KIF18A: variants seen among roughly 807,000 people sequenced by gnomAD.
KIF18A encodes kinesin-like protein KIF18A.
A neutral mutation model predicts 103.3 loss-of-function variants in KIF18A; 67 were observed. That is an observed-to-expected ratio of 0.65 (90% CI 0.53 to 0.79). The LOEUF (loss-of-function observed/expected upper bound fraction) is 0.79. KIF18A is among the 30% of genes least tolerant of loss of function. KIF18A has a pLI of 0.00. For missense variants in KIF18A, 1,032 were observed against 1,062.5 expected, an observed-to-expected ratio of 0.97 and a Z score of 0.40; for synonymous variants, 367 against 355.5, an observed-to-expected ratio of 1.03 and a Z score of -0.36.
chr11:28,034,554 T>A (rs1489325078), intron 15 of KIF18A, among the ~76,000 whole-genome samples: 4 of 151,704 alleles, frequency 2.6e-5, no homozygotes. Context: ...ACATCAAAAC[T>A]CTGCTTAATA....
Position 28,023,721 on chromosome 11 carries a change from A to G in KIF18A, c.2614+20T>C, listed in dbSNP as rs767693064. Reference sequence around the variant, plus strand: ...TACAGAGTCATACCATTAAATATCAAATTAAAAGCTGAGACATACCCATTG... The same window carrying G: ...TACAGAGTCATACCATTAAATATCAGATTAAAAGCTGAGACATACCCATTG... On this transcript the variant is annotated intron_variant, in intron 16 of 16. Coordinates refer to ENST00000263181, the MANE Select transcript of KIF18A (RefSeq NM_031217.4). 7 of 1,371,714 alleles carry G rather than the reference A, an allele frequency of 5.1e-6. No homozygotes were observed. The African/African-American group carries it at 5.7e-5, about 11-fold the overall frequency. The allele number at this position is 1,371,714 out of a possible 1,614,324, so 85.0% of individuals were successfully genotyped here.
At chr11:28,067,548 G>T (rs887481156) in intron 11 of KIF18A, among the ~76,000 whole-genome samples, 6 of 152,032 alleles carry the variant, frequency 3.9e-5, no homozygotes, top group Non-Finnish European at 8.8e-5. Context: ...ATAATGCATT[G>T]ACTAGTATCT....
intron 15 of KIF18A, among the ~76,000 whole-genome samples, chr11:28,024,859 C>A (rs1417832466): frequency 2.0e-5 from 3 of 151,788 alleles, no homozygotes; most frequent in Non-Finnish European, 4.4e-5. Flanking sequence ...TATAGTAATC[C>A]CCCTTATCGA....
Position 28,097,668 on chromosome 11 carries a change from T to C in KIF18A, c.280A>G (p.Thr94Ala), listed in dbSNP as rs759103638. The change falls in exon 2 of 17, where the codon ACT becomes GCT. Residue 94 changes from threonine (T) to alanine (A), a missense_variant. Thr to Ala is a moderately conservative substitution (Grantham distance 58). Coordinates refer to ENST00000263181, the MANE Select transcript of KIF18A (RefSeq NM_031217.4). ...AAAAAACTACGAAGAATTGGCTTAG[T>C]AGTGTGTTCAAAAACTTCTGACTGA... ...STQSEVFEHT[T>A]KPILRSFLNG... is the part of the protein sequence containing the mutation. 6 of 1,611,376 alleles carry C rather than the reference T, an allele frequency of 3.7e-6. No homozygotes were observed. The highest frequency in any genetic ancestry group is 4.5e-5 in the East Asian group (2 of 44,814).
At chr11:28,096,010 A>G (rs1212232082) in intron 2 of KIF18A, among the ~76,000 whole-genome samples, 1 of 146,188 alleles carries the variant, frequency 6.8e-6, no homozygotes, top group Non-Finnish European at 1.5e-5. Flanking sequence ...GACTTCATCA[A>G]AAAAAAAAAA....
At chr11:28,100,832 G>A (rs1422507946) in intron 1 of KIF18A, among the ~76,000 whole-genome samples, 2 of 152,002 alleles carry the variant, frequency 1.3e-5, no homozygotes, top group African/African-American at 4.8e-5. Flanking sequence ...TTACTACTTT[G>A]TTTTTCATCC....
At chr11:28,021,326 A>G in intron 16 of KIF18A, 44 bp from the exon 17 acceptor site, 2 of 1,280,426 alleles carry the variant, frequency 1.6e-6, no homozygotes, top group South Asian at 3.9e-5. Flanking sequence ...CATAAATATC[A>G]TTCAAAAAGT....
intron 13 of KIF18A, among the ~76,000 whole-genome samples, chr11:28,041,835 A>C (rs1195486636): frequency 1.3e-5 from 2 of 151,886 alleles, no homozygotes; most frequent in African/African-American, 2.4e-5. Flanking sequence ...GAGTTCACAG[A>C]AAGTAGTATA....
chr11:28,035,448 T>C lies in KIF18A; in HGVS notation c.2443A>G (p.Ser815Gly). The change falls in exon 15 of 17, where the codon AGC (serine) becomes GGC (glycine). Residue 815 changes from serine to glycine, a missense_variant. Coordinates refer to ENST00000263181, the MANE Select transcript of KIF18A (RefSeq NM_031217.4). ...FSTKHSMPVPSMVPSYMAMTT... is the reference protein window; with the variant it reads ...FSTKHSMPVPGMVPSYMAMTT... Reference sequence around the variant, plus strand: ...ATTGCCATGTAGGATGGCACCATGCTTGGTACAGGCATAGAATGCTTAGTT... The same window carrying C: ...ATTGCCATGTAGGATGGCACCATGCCTGGTACAGGCATAGAATGCTTAGTT... The C allele has an allele frequency of 6.2e-7, 1 of 1,604,024 alleles. No individual in the cohort carries two copies. The highest frequency in any genetic ancestry group is 1.1e-5 in the South Asian group (1 of 89,074).
chr11:28,044,355 A>C (rs1267439608), intron 13 of KIF18A, among the ~76,000 whole-genome samples: 1 of 152,078 alleles, frequency 6.6e-6, no homozygotes, highest in Non-Finnish European at 1.5e-5. Context: ...AAAAATAAAA[A>C]AGATGGACAT....
intron 13 of KIF18A, among the ~76,000 whole-genome samples, chr11:28,058,662 C>CAAA (rs58273868): frequency 3.6e-3 from 231 of 64,390 alleles, no homozygotes; most frequent in East Asian, 0.013. Flanking sequence ...ACCCTGTCAC[C>CAAA]AAAAAAAAAA....
Position 28,088,555 on chromosome 11 carries a change from C to T in KIF18A, c.866G>A (p.Gly289Glu). The T allele has an allele frequency of 6.2e-7, 1 of 1,613,792 alleles. No individual in the cohort carries two copies. Among genetic ancestry groups the T allele is most frequent in the East Asian group, 2.2e-5 (1 of 44,854 alleles). The part of the protein sequence containing the change: ...TNINRSLLAL[G>E]NVINALADSK... ...ATCTGCTAAGGCATTGATGACATTC[C>T]CAAGAGCTAAAAGTGATCTATTAAT... The change falls in exon 6 of 17, where the codon GGG (glycine) becomes GAG (glutamate). Residue 289 changes from glycine to glutamate, a missense_variant. Gly to Glu is a moderately conservative substitution (Grantham distance 98, BLOSUM62 -2). Transcript: ENST00000263181.
chr11:28,084,815 G>A lies in KIF18A; in HGVS notation c.898-7C>T. ...GGATATGCTGATTCTTTCTCTGAAA[G>A]CACAAAAAAGAGATCTTATGTCATT... On this transcript the variant is annotated splice_region_variant and splice_polypyrimidine_tract_variant and intron_variant, in intron 6 of 16. Transcript: ENST00000263181. The A allele has an allele frequency of 5.0e-6, 8 of 1,602,116 alleles. No individual in the cohort carries two copies. Among genetic ancestry groups the A allele is most frequent in the Non-Finnish European group, 6.8e-6 (8 of 1,173,228 alleles).
intron 13 of KIF18A, among the ~76,000 whole-genome samples, chr11:28,044,848 TTAGTATTATA>T (rs1202758352): frequency 1.3e-5 from 2 of 152,054 alleles, no homozygotes; most frequent in African/African-American, 4.8e-5. Flanking sequence ...TATATTAACA[TTAGTATTATA>T]GAGTATTAAA....
chr11:28,023,201 G>A (rs1850268147), intron 16 of KIF18A, among the ~76,000 whole-genome samples: 1 of 152,094 alleles, frequency 6.6e-6, no homozygotes, highest in South Asian at 2.1e-4. Flanking sequence ...ACTCCCATAT[G>A]CGGTTGATGG....
chr11:28,035,551 A>T, intron 14 of KIF18A, 57 bp from the exon 15 acceptor site: 1 of 1,002,624 alleles, frequency 1.0e-6, no homozygotes. Flanking sequence ...CTATGAAGAG[A>T]AAAGGAAGCA....
chr11:28,104,174 A>AT (rs1435134618), intron 1 of KIF18A, among the ~76,000 whole-genome samples: 1 of 152,174 alleles, frequency 6.6e-6, no homozygotes, highest in Non-Finnish European at 1.5e-5. Context: ...TAATTCATTG[A>AT]TTGTATGCAC....
At chr11:28,091,978 G>A (rs1026567089) in intron 3 of KIF18A, among the ~76,000 whole-genome samples, 2 of 152,106 alleles carry the variant, frequency 1.3e-5, no homozygotes, top group East Asian at 3.9e-4. Flanking sequence ...ACCACGCCTG[G>A]CTAATTTTTT....
chr11:28,065,627 C>T (rs1029847990), intron 11 of KIF18A, among the ~76,000 whole-genome samples: 5 of 151,830 alleles, frequency 3.3e-5, no homozygotes, highest in African/African-American at 4.8e-5. Context: ...CACAAAATAG[C>T]GATAATAATG....
Sources: gnomAD v4.1 joint callset for allele counts (sites outside exome capture counted in the v4.1 genomes callset) on GRCh38, gnomAD v4.1.1 for gene constraint, MANE v1.5 for transcripts, NCBI Gene and HGNC (gene_info 2026-07-23, HGNC 2026-07-21) for gene names.